The following GPNMB variants were observed in gnomAD, a reference collection of about 807,000 sequenced individuals.
GPNMB encodes glycoprotein nmb.
A neutral mutation model predicts 57.3 loss-of-function variants in GPNMB; 71 were observed. That is an observed-to-expected ratio of 1.24 (90% CI 1.02 to 1.51). The LOEUF is 1.51. Among genes scored for constraint, GPNMB ranks in the 40% most tolerant of loss-of-function variants. The probability of loss-of-function intolerance (pLI) is 0.00; values close to 1 mark genes in which losing one functional copy is unlikely to be tolerated. For synonymous variants in GPNMB, 253 were observed against 263.2 expected, an observed-to-expected ratio of 0.96 and a Z score of 0.38; for missense variants, 677 against 691.9, an observed-to-expected ratio of 0.98 and a Z score of 0.24.
At chr7:23,261,074 C>T (rs1273585692) in intron 6 of GPNMB, among the ~76,000 whole-genome samples, 7 of 152,274 alleles carry the variant, frequency 4.6e-5, no homozygotes, top group East Asian at 1.9e-4. Context: ...CTCTTCTAAC[C>T]TGTCACATTT....
At chr7:23,249,830 C>A (rs1215714446) in intron 1 of GPNMB, among the ~76,000 whole-genome samples, 1 of 152,122 alleles carries the variant, frequency 6.6e-6, no homozygotes, top group Non-Finnish European at 1.5e-5. Context: ...CCAAAGGGTA[C>A]AATTTCTTGG....
intron 7 of GPNMB, among the ~76,000 whole-genome samples, chr7:23,267,368 T>C (rs1783090143): frequency 2.0e-5 from 3 of 152,176 alleles, no homozygotes; most frequent in African/African-American, 7.2e-5. Context: ...GATTGCCAGA[T>C]CTGATGTGTT....
Position 23,261,651 on chromosome 7 carries a change from G to A in GPNMB, c.1018+878G>A, listed in dbSNP as rs529725258. On this transcript the variant is annotated intron_variant, in intron 6 of 10. Coordinates refer to ENST00000258733, the MANE Select transcript of GPNMB (RefSeq NM_002510.3). The stretch of plus-strand genomic sequence containing the variant: ...TGTCGGGGGGTAGGGGTAGGGAGGC[G>A]GGATGGCATTAACAGAAATACCTAT... Among the ~76,000 whole-genome samples the A allele has an allele frequency of 3.0e-4, 45 of 152,142 alleles. 1 individual carries two copies. The South Asian group carries it at 7.7e-3, about 26-fold the overall frequency.
At position 23,259,940 on chromosome 7, in the gene GPNMB, A is replaced by G. The variant is rs17147985; in HGVS notation, c.542-40A>G. ...AGGAACAGCTTCCTATAATGATGAT[A>G]TAATGCAGCCAATAACTAAAAATTT... On this transcript the variant is annotated intron_variant, in intron 4 of 10. Transcript: ENST00000258733. 7.9e-3 allele frequency: 12,692 copies of G among 1,596,926 alleles called. 406 individuals carry two copies. In the African/African-American group the frequency reaches 0.096, roughly 12 times the overall value.
chr7:23,273,610 T>C lies in GPNMB; in HGVS notation c.1519T>C (p.Tyr507His). The change falls in exon 10 of 11, where the codon TAC becomes CAC. Residue 507 changes from tyrosine to histidine, a missense_variant. Physicochemically the swap from Tyr to His is moderately conservative, Grantham distance 83. Coordinates refer to ENST00000258733, the MANE Select transcript of GPNMB (RefSeq NM_002510.3). Reference protein sequence around the residue: ...IFVTVISLLVYKKHKEYNPIE... With the variant: ...IFVTVISLLVHKKHKEYNPIE... ...TGTCACTGTGATCTCCCTCTTGGTG[T>C]ACAAGTAAGTTTTTGGTTCCTACGC... The C allele has an allele frequency of 6.2e-7, 1 of 1,600,868 alleles. No individual in the cohort carries two copies.
At chr7:23,248,304 G>T (rs1040173388) in intron 1 of GPNMB, among the ~76,000 whole-genome samples, 16 of 152,110 alleles carry the variant, frequency 1.1e-4, no homozygotes, top group African/African-American at 3.9e-4. Context: ...ACACAGAATA[G>T]ACCCGATGGG....
rs149786199 is a variant in GPNMB at position 23,261,785 on chromosome 7, A to G, written c.1018+1012A>G. Among the ~76,000 whole-genome samples, 19 of 152,232 alleles carry G rather than the reference A, an allele frequency of 1.2e-4. No homozygotes were observed. In the East Asian group the frequency reaches 2.3e-3, roughly 19 times the overall value. ...CCCTAGAACTTAAAGTAAAATTTAA[A>G]AAAAAGAGAAAAATAAATAAAAATA... On this transcript the variant is annotated intron_variant, in intron 6 of 10. Coordinates refer to ENST00000258733, the MANE Select transcript of GPNMB (RefSeq NM_002510.3).
chr7:23,272,846 C>CTTTTTTTTTTTTTTTTT (rs34346503), intron 9 of GPNMB, among the ~76,000 whole-genome samples: 4 of 139,636 alleles, frequency 2.9e-5, no homozygotes, highest in African/African-American at 1.1e-4. Flanking sequence ...AGGTGGTGAT[C>CTTTTTTTTTTTTTTTTT]TTTTTTTTTT....
chr7:23,274,984 G>C lies in GPNMB; in HGVS notation c.*760G>C, dbSNP rs749173161. ...AAGACTTTCCAAAGATGAGGTCCCT[G>C]GTTTTTCATGGCAACTTGATCAGTA... On this transcript the variant is annotated 3_prime_UTR_variant, in exon 11 of 11. Coordinates refer to ENST00000258733, the MANE Select transcript of GPNMB (RefSeq NM_002510.3). The C allele has an allele frequency of 6.6e-6, 1 of 151,954 alleles. No homozygotes were observed. Among genetic ancestry groups the C allele is most frequent in the Non-Finnish European group, 1.5e-5 (1 of 68,014 alleles). 9.4% of individuals were successfully genotyped at this position (151,954 alleles called of 1,614,324 possible).
chr7:23,266,652 T>C, intron 7 of GPNMB, 37 bp downstream of exon 7: 1 of 1,601,842 alleles, frequency 6.2e-7, no homozygotes, highest in Non-Finnish European at 8.5e-7. Context: ...GGAAGGATGC[T>C]AGACTCCACC....
chr7:23,273,340 C>G (rs762506298), intron 9 of GPNMB, 181 bp from the exon 10 acceptor site: 82 of 570,750 alleles, frequency 1.4e-4, no homozygotes, highest in Non-Finnish European at 2.3e-4. Flanking sequence ...GACTCATTCT[C>G]TAAATAGAAG....
At chr7:23,265,266 G>A (rs1224171433) in intron 6 of GPNMB, among the ~76,000 whole-genome samples, 1 of 152,170 alleles carries the variant, frequency 6.6e-6, no homozygotes, top group Non-Finnish European at 1.5e-5. Context: ...AAATCTCCCA[G>A]CCTGCTTCAC....
At position 23,260,658 on chromosome 7, in the gene GPNMB, C is replaced by T. The variant is rs1782897828; in HGVS notation, c.903C>T (p.His301=). The change falls in exon 6 of 11, where the codon CAC becomes CAT. Residue 301 remains histidine, a synonymous_variant. Coordinates refer to ENST00000258733, the MANE Select transcript of GPNMB (RefSeq NM_002510.3). ...LFVSTNHTVN[H]TYVLNGTFSL... Reference sequence around the variant, plus strand: ...TTTCCACCAATCATACTGTGAATCACACGTATGTGCTCAATGGAACCTTCA... The same window carrying T: ...TTTCCACCAATCATACTGTGAATCATACGTATGTGCTCAATGGAACCTTCA... 6.2e-7 allele frequency: 1 copy of T among 1,613,476 alleles called. No homozygotes were observed. Among genetic ancestry groups the T allele is most frequent in the Non-Finnish European group, 8.5e-7 (1 of 1,179,408 alleles).
intron 7 of GPNMB, among the ~76,000 whole-genome samples, chr7:23,266,904 G>A (rs1783078061): frequency 6.6e-6 from 1 of 152,200 alleles, no homozygotes; most frequent in Admixed American, 6.5e-5. Flanking sequence ...CCATCTGAAT[G>A]GGGTATGTAG....
chr7:23,249,154 T>G (rs1782605421), intron 1 of GPNMB, among the ~76,000 whole-genome samples: 4 of 152,210 alleles, frequency 2.6e-5, no homozygotes, highest in Admixed American at 2.6e-4. Flanking sequence ...ACTCCTGGGC[T>G]CAGGCAATCG....
chr7:23,256,427 T>C (rs554364553), intron 3 of GPNMB, among the ~76,000 whole-genome samples: 131 of 152,178 alleles, frequency 8.6e-4, no homozygotes, highest in African/African-American at 3.1e-3. Context: ...TATACAAACC[T>C]TGATTGGGGT....
At position 23,254,740 on chromosome 7, in the gene GPNMB, G is replaced by A. The variant is rs1001032337; in HGVS notation, c.367+428G>A. Among the ~76,000 whole-genome samples the A allele has an allele frequency of 3.9e-5, 6 of 152,160 alleles. No homozygotes were observed. In the East Asian group the frequency reaches 7.7e-4, roughly 20 times the overall value. ...CTCAAGCAAATGCTGTGTAGCTGGC[G>A]CAAATGCTAAAATGTGTATATTTTG... On this transcript the variant is annotated intron_variant, in intron 3 of 10. Transcript: ENST00000258733.
In GPNMB at chr7:23,260,732, C is replaced by T. The variant is rs146578444; in HGVS notation, c.977C>T (p.Pro326Leu). 1.4e-3 allele frequency: 2,295 copies of T among 1,590,184 alleles called. 3 individuals are homozygous for T. Among genetic ancestry groups the T allele is most frequent in the Non-Finnish European group, 1.8e-3 (2,136 of 1,165,012 alleles). The change falls in exon 6 of 11, where the codon CCG becomes CTG. Residue 326 changes from proline (P) to leucine (L), a missense_variant. By Grantham distance (98) the Pro-to-Leu change is moderately conservative. Transcript: ENST00000258733. ...GCAGCACCAGGACCTTGTCCGCCAC[C>T]GCCACCACCACCCAGACCTTCAAAA... ...KAAAPGPCPP[P>L]PPPPRPSKPT...
intron 3 of GPNMB, among the ~76,000 whole-genome samples, chr7:23,256,579 G>A (rs1215788818): frequency 6.6e-6 from 1 of 152,148 alleles, no homozygotes; most frequent in African/African-American, 2.4e-5. Flanking sequence ...AAAAGATAAA[G>A]TATCTCTGAT....
Sources: gnomAD v4.1 joint callset for allele counts (sites outside exome capture counted in the v4.1 genomes callset) on GRCh38, gnomAD v4.1.1 for gene constraint, MANE v1.5 for transcripts, NCBI Gene and HGNC (gene_info 2026-07-23, HGNC 2026-07-21) for gene names.